USP34: variants seen among roughly 807,000 people sequenced by gnomAD.
USP34 encodes the protein ubiquitin carboxyl-terminal hydrolase 34.
A neutral mutation model predicts 460.3 loss-of-function variants in USP34; 70 were observed. The observed-to-expected ratio is 0.15, with a 90% CI of 0.13 to 0.19. The LOEUF (loss-of-function observed/expected upper bound fraction) is 0.19. Among genes scored for constraint, USP34 ranks in the 10% least tolerant of loss-of-function variants. USP34 has a pLI of 1.00. For missense variants in USP34, 3,985 were observed against 4,236.2 expected (o/e 0.94, Z 1.65); for synonymous variants, 1,647 against 1,405.3 (o/e 1.17, Z -3.85).
chr2:61,456,089 G>A (rs1299135544), intron 1 of USP34, among the ~76,000 whole-genome samples: 1 of 152,142 alleles, frequency 6.6e-6, no homozygotes, highest in Non-Finnish European at 1.5e-5. Flanking sequence ...CTTTACACAA[G>A]TGTTTATGTT....
At chr2:61,290,396 A>T (rs1432785802) in intron 33 of USP34, among the ~76,000 whole-genome samples, 3 of 152,190 alleles carry the variant, frequency 2.0e-5, no homozygotes, top group African/African-American at 7.2e-5. Flanking sequence ...GAATGTTTAC[A>T]GAAACTTTAT....
At chr2:61,336,643 C>T (rs969863992) in intron 18 of USP34, among the ~76,000 whole-genome samples, 2 of 151,598 alleles carry the variant, frequency 1.3e-5, no homozygotes, top group Admixed American at 6.6e-5. Context: ...AACCCCATCT[C>T]ACCTAAAAAT....
Position 61,211,950 on chromosome 2 carries a change from ATATGATCTTTTAACCC to A in USP34, c.8683-37_8683-22del, listed in dbSNP as rs760035888. On this transcript the variant is annotated intron_variant, in intron 68 of 79. Transcript: ENST00000398571. ...ACTGCCTAAAAAAGCCAAATAAGCCATATGATCTTTTAACCCTATAGCATTTTAGAAGGTCAGTTTC... is the reference window on the plus strand; with the variant it reads ...ACTGCCTAAAAAAGCCAAATAAGCCATATAGCATTTTAGAAGGTCAGTTTC... 12 of 1,592,730 alleles carry A rather than the reference ATATGATCTTTTAACCC, an allele frequency of 7.5e-6. No homozygotes were observed. The East Asian group carries it at 1.4e-4, about 18-fold the overall frequency.
At chr2:61,353,810 T>C (rs944612716) in intron 10 of USP34, among the ~76,000 whole-genome samples, 1 of 151,980 alleles carries the variant, frequency 6.6e-6, no homozygotes, top group Non-Finnish European at 1.5e-5. Context: ...AAAATGAGAA[T>C]ATCAGCAAAG....
Position 61,401,527 on chromosome 2 carries a change from T to C in USP34, c.552+4181A>G, listed in dbSNP as rs553585317. Among the ~76,000 whole-genome samples, 3 of 147,842 alleles carry C rather than the reference T, an allele frequency of 2.0e-5. No individual in the cohort carries two copies. The South Asian group carries it at 6.5e-4, about 32-fold the overall frequency. ...TGCTGGGATTACAGGTGTGAGCCACTGTACCTGGCCCTATTTTTTTTTTTT... is the reference window on the plus strand; with the variant it reads ...TGCTGGGATTACAGGTGTGAGCCACCGTACCTGGCCCTATTTTTTTTTTTT... On this transcript the variant is annotated intron_variant, in intron 3 of 79. Coordinates refer to ENST00000398571, the MANE Select transcript of USP34 (RefSeq NM_014709.4).
chr2:61,266,872 T>G (rs953392736), intron 41 of USP34, among the ~76,000 whole-genome samples: 2 of 152,174 alleles, frequency 1.3e-5, no homozygotes, highest in African/African-American at 4.8e-5. Flanking sequence ...GCTCCCTACA[T>G]TGATACAAAA....
At chr2:61,194,878 G>A (rs897594194) in intron 75 of USP34, among the ~76,000 whole-genome samples, 6 of 151,840 alleles carry the variant, frequency 4.0e-5, no homozygotes, top group South Asian at 2.1e-4. Flanking sequence ...GCTTGAACGC[G>A]GCAGGCGGAG....
intron 58 of USP34, 132 bp from the exon 59 acceptor site, chr2:61,229,765 T>G: frequency 1.5e-6 from 1 of 685,598 alleles, no homozygotes; most frequent in Non-Finnish European, 2.4e-6. Context: ...TCTGGAGCTC[T>G]TCTGGAGTCT....
intron 20 of USP34, among the ~76,000 whole-genome samples, chr2:61,326,615 T>C (rs1052594569): frequency 4.6e-5 from 7 of 152,108 alleles, no homozygotes; most frequent in African/African-American, 1.7e-4. Context: ...CTAGTTCAAG[T>C]ACTTGAGCAC....
intron 1 of USP34, among the ~76,000 whole-genome samples, chr2:61,433,640 TATAA>T (rs1694737529): frequency 6.6e-6 from 1 of 151,868 alleles, no homozygotes; most frequent in Non-Finnish European, 1.5e-5. Context: ...TCTCAAAAAC[TATAA>T]ATAAAATAAA....
intron 53 of USP34, among the ~76,000 whole-genome samples, chr2:61,241,163 C>A (rs565522893): frequency 6.6e-6 from 1 of 152,136 alleles, no homozygotes; most frequent in Non-Finnish European, 1.5e-5. Flanking sequence ...TCTGCCTCAG[C>A]CTCCCAAGCA....
intron 1 of USP34, among the ~76,000 whole-genome samples, chr2:61,427,914 G>A (rs1407166654): frequency 2.6e-5 from 4 of 152,110 alleles, no homozygotes; most frequent in African/African-American, 9.7e-5. Context: ...TGTAATCCCA[G>A]CACTTTGGAT....
chr2:61,191,490 G>A (rs895123005), intron 76 of USP34: 10 of 152,126 alleles, frequency 6.6e-5, no homozygotes, highest in Non-Finnish European at 1.2e-4. Flanking sequence ...ATTCAAGTAG[G>A]ACCAAGACCC....
chr2:61,279,511 TAG>T (rs1689472447), intron 39 of USP34, among the ~76,000 whole-genome samples: 1 of 152,210 alleles, frequency 6.6e-6, no homozygotes, highest in South Asian at 2.1e-4. Flanking sequence ...GTCGCCAGGC[TAG>T]AGTGCAGGGG....
chr2:61,236,506 G>A (rs996248620), intron 53 of USP34, 117 bp from the exon 54 acceptor site: 1 of 724,900 alleles, frequency 1.4e-6, no homozygotes. Context: ...TAAAATCCAT[G>A]CACTTTAAGT....
At chr2:61,330,816 T>C (rs1439198414) in intron 20 of USP34, among the ~76,000 whole-genome samples, 4 of 152,156 alleles carry the variant, frequency 2.6e-5, no homozygotes, top group African/African-American at 4.8e-5. Flanking sequence ...ATATTAATGA[T>C]ATACCACCAG....
At position 61,281,195 on chromosome 2, in the gene USP34, C is replaced by G. The variant is rs935773669; in HGVS notation, c.5046G>C (p.Leu1682=). ...ESCSGLYKLS[L]SGLDGGDSIN... ...TTGAGTCTCCTCCATCCAGCCCTGACAGGGATAACTTATAGAGACCACTGC... is the reference window on the plus strand; with the variant it reads ...TTGAGTCTCCTCCATCCAGCCCTGAGAGGGATAACTTATAGAGACCACTGC... The change falls in exon 38 of 80, where the codon CTG becomes CTC. Residue 1682 remains leucine, a synonymous_variant. Transcript: ENST00000398571. 2.5e-6 allele frequency: 4 copies of G among 1,613,976 alleles called. No homozygotes were observed. The highest frequency in any genetic ancestry group is 2.7e-5 in the African/African-American group (2 of 74,930).
At position 61,204,629 on chromosome 2, in the gene USP34, C is replaced by CA. The variant is rs767021375; in HGVS notation, c.9155-29dup. ...GAAAATAAAAACAAAGTTTGGGTAG[C>CA]AAAAAATTAAGAGTTATATCTGCCT... On this transcript the variant is annotated intron_variant, in intron 72 of 79. Coordinates refer to ENST00000398571, the MANE Select transcript of USP34 (RefSeq NM_014709.4). 3.2e-6 allele frequency: 5 copies of CA among 1,577,490 alleles called. No homozygotes were observed. The South Asian group carries it at 5.6e-5, about 18-fold the overall frequency.
chr2:61,274,111 C>T (rs769143270), intron 41 of USP34, among the ~76,000 whole-genome samples: 5 of 151,764 alleles, frequency 3.3e-5, no homozygotes, highest in Non-Finnish European at 7.4e-5. Context: ...ATAAGCAGGC[C>T]AGGTGAGGTG....
Sources: gnomAD v4.1 joint callset for allele counts (sites outside exome capture counted in the v4.1 genomes callset) on GRCh38, gnomAD v4.1.1 for gene constraint, MANE v1.5 for transcripts, NCBI Gene and HGNC (gene_info 2026-07-23, HGNC 2026-07-21) for gene names.